FAM222B: variants seen among roughly 807,000 people sequenced by gnomAD.
FAM222B encodes family with sequence similarity 222 member B.
Under a neutral mutation model 38.0 loss-of-function variants are expected in FAM222B, and 12 were observed. That is an observed-to-expected ratio of 0.32 (90% confidence interval 0.20 to 0.51). The LOEUF (loss-of-function observed/expected upper bound fraction) is 0.51. Ranked by LOEUF, FAM222B falls within the 20% of genes least tolerant of loss-of-function variation. FAM222B has a pLI of 0.97. For missense variants in FAM222B, 716 were observed against 754.2 expected, an observed-to-expected ratio of 0.95 and a Z score of 0.59; for synonymous variants, 329 against 317.2, an observed-to-expected ratio of 1.04 and a Z score of -0.40.
intron 1 of FAM222B, among the ~76,000 whole-genome samples, chr17:28,770,952 A>ATG (rs774889238): frequency 4.6e-5 from 7 of 151,012 alleles, no homozygotes; most frequent in East Asian, 1.9e-4. Context: ...ATATATATAT[A>ATG]TGTGTGTGTG....
intron 1 of FAM222B, among the ~76,000 whole-genome samples, chr17:28,837,861 C>T (rs1567906213): frequency 6.6e-6 from 1 of 152,114 alleles, no homozygotes; most frequent in African/African-American, 2.4e-5. Context: ...CTTTGTTTGC[C>T]AGGCTGGTCT....
intron 1 of FAM222B, among the ~76,000 whole-genome samples, chr17:28,792,929 T>C (rs988840150): frequency 3.9e-5 from 6 of 152,086 alleles, no homozygotes; most frequent in Non-Finnish European, 7.4e-5. Context: ...TTTTCATCTT[T>C]TTTTTTAAGA....
intron 1 of FAM222B, among the ~76,000 whole-genome samples, chr17:28,838,631 G>A (rs1476112823): frequency 6.6e-6 from 1 of 151,846 alleles, no homozygotes; most frequent in African/African-American, 2.4e-5. Context: ...TTTTGGCTGG[G>A]CGCGGTGGCT....
chr17:28,829,418 CAA>C (rs2038576719), intron 1 of FAM222B, among the ~76,000 whole-genome samples: 2 of 151,908 alleles, frequency 1.3e-5, no homozygotes. Flanking sequence ...TGATCCGCCC[CAA>C]CTCGGCCTCC....
In FAM222B at chr17:28,757,479, G is replaced by A. The variant is rs1461256357; in HGVS notation, c.*791C>T. Reference sequence around the variant, plus strand: ...GATTTTGTTTTTGTTGAGGGGGAAAGGATAGGGGCTGTGGGGAGGTGAGTT... The same window carrying A: ...GATTTTGTTTTTGTTGAGGGGGAAAAGATAGGGGCTGTGGGGAGGTGAGTT... On this transcript the variant is annotated 3_prime_UTR_variant, in exon 3 of 3. Transcript: ENST00000581407. 2 of 151,970 alleles carry A rather than the reference G, an allele frequency of 1.3e-5. No homozygotes were observed. The highest frequency in any genetic ancestry group is 2.1e-4 in the South Asian group (1 of 4,824). 9.4% of individuals were successfully genotyped at this position (151,970 alleles called of 1,614,324 possible).
In FAM222B at chr17:28,756,544, C is replaced by G. The variant is rs1383543495; in HGVS notation, c.*1726G>C. Reference sequence around the variant, plus strand: ...TAAATCTGACTCAGAAAAGCAGGAACTGGAAGAGGGCCCTGGGTGAGATGG... The same window carrying G: ...TAAATCTGACTCAGAAAAGCAGGAAGTGGAAGAGGGCCCTGGGTGAGATGG... On this transcript the variant is annotated 3_prime_UTR_variant, in exon 3 of 3. Transcript: ENST00000581407. The G allele has an allele frequency of 6.6e-6, 1 of 152,478 alleles. No individual in the cohort carries two copies. Among genetic ancestry groups the G allele is most frequent in the Non-Finnish European group, 1.5e-5 (1 of 68,132 alleles). 9.4% of individuals were successfully genotyped at this position (152,478 alleles called of 1,614,324 possible).
chr17:28,799,665 T>C (rs1034932256), intron 1 of FAM222B, among the ~76,000 whole-genome samples: 1 of 152,150 alleles, frequency 6.6e-6, no homozygotes, highest in Non-Finnish European at 1.5e-5. Flanking sequence ...TTCAGTGCAG[T>C]TGCACCACTA....
intron 2 of FAM222B, among the ~76,000 whole-genome samples, chr17:28,764,999 G>A (rs577753183): frequency 6.6e-6 from 1 of 152,282 alleles, no homozygotes; most frequent in Admixed American, 6.5e-5. Context: ...TGCTGATTTG[G>A]ATGACCAGAG....
intron 1 of FAM222B, among the ~76,000 whole-genome samples, chr17:28,822,706 C>T (rs909487404): frequency 5.0e-5 from 7 of 141,244 alleles, no homozygotes; most frequent in African/African-American, 1.9e-4. Context: ...GAGACTGAGG[C>T]AGAGAGAACT....
At chr17:28,790,373 T>TAC (rs1254899246) in intron 1 of FAM222B, 1 of 152,258 alleles carries the variant, frequency 6.6e-6, no homozygotes, top group Non-Finnish European at 1.5e-5. Flanking sequence ...ATCAAAATTC[T>TAC]GTACCTTTTG....
rs1283630695 is a variant in FAM222B, at chr17:28,766,760, G to T, written c.-40-53C>A. The T allele has an allele frequency of 3.9e-6, 4 of 1,036,928 alleles. No individual in the cohort carries two copies. In the Admixed American group the frequency reaches 6.0e-5, roughly 16 times the overall value. The allele number at this position is 1,036,928 out of a possible 1,614,324, so 64.2% of individuals were successfully genotyped here. On this transcript the variant is annotated intron_variant, in intron 1 of 2. Transcript: ENST00000581407. ...AACACAAGGCAACTCATTCGAAGAA[G>T]AGAGTAGGAACACTGGATATGACTG...
At chr17:28,775,385 A>G (rs2035839336) in intron 1 of FAM222B, among the ~76,000 whole-genome samples, 1 of 151,564 alleles carries the variant, frequency 6.6e-6, no homozygotes, top group Non-Finnish European at 1.5e-5. Flanking sequence ...CTCACTTCCC[A>G]GCATAGCCTC....
chr17:28,794,747 C>T (rs1174831560), intron 1 of FAM222B, among the ~76,000 whole-genome samples: 4 of 152,122 alleles, frequency 2.6e-5, no homozygotes, highest in African/African-American at 7.2e-5. Flanking sequence ...GTTTCTATCC[C>T]TCTTTATCCA....
upstream of FAM222B, among the ~76,000 whole-genome samples, chr17:28,846,686 A>C (rs958501419): frequency 6.6e-6 from 1 of 152,066 alleles, no homozygotes; most frequent in Non-Finnish European, 1.5e-5. Flanking sequence ...TCCTCTTAAA[A>C]AAGAAAAGAA....
At chr17:28,763,086 C>T (rs1188284947) in intron 2 of FAM222B, among the ~76,000 whole-genome samples, 1 of 152,094 alleles carries the variant, frequency 6.6e-6, no homozygotes, top group Non-Finnish European at 1.5e-5. Context: ...ATAGCTTATA[C>T]CAATAGTGTC....
At chr17:28,799,067 C>T (rs1342058412) in intron 1 of FAM222B, among the ~76,000 whole-genome samples, 1 of 151,954 alleles carries the variant, frequency 6.6e-6, no homozygotes, top group Middle Eastern at 3.4e-3. Flanking sequence ...CTCCGCCTCC[C>T]GGGTTCAAGC....
At chr17:28,766,975 A>C in intron 1 of FAM222B, 1 of 332,532 alleles carries the variant, frequency 3.0e-6, no homozygotes, top group Admixed American at 4.4e-5. Context: ...ACAACTGGAA[A>C]GTACAGGTGC....
At chr17:28,843,036 G>A (rs1338436044), upstream of FAM222B, among the ~76,000 whole-genome samples, 1 of 152,138 alleles carries the variant, frequency 6.6e-6, no homozygotes, top group Admixed American at 6.5e-5. Flanking sequence ...GCTTCCCCAA[G>A]GAGCCACAGA....
At chr17:28,837,384 C>T (rs1312981522) in intron 1 of FAM222B, among the ~76,000 whole-genome samples, 3 of 149,666 alleles carry the variant, frequency 2.0e-5, no homozygotes, top group Non-Finnish European at 3.0e-5. Flanking sequence ...GAGCCGAGAT[C>T]GAGCCACTGC....
Sources: gnomAD v4.1 joint callset for allele counts (sites outside exome capture counted in the v4.1 genomes callset) on GRCh38, gnomAD v4.1.1 for gene constraint, MANE v1.5 for transcripts, NCBI Gene and HGNC (gene_info 2026-07-23, HGNC 2026-07-21) for gene names.